Variants in PTK2 observed in about 807,000 individuals in gnomAD.
PTK2 encodes focal adhesion kinase 1.
Under a neutral mutation model 150.1 loss-of-function variants are expected in PTK2, and 45 were observed. The observed-to-expected ratio is 0.30, with a 90% confidence interval of 0.24 to 0.38. The LOEUF (loss-of-function observed/expected upper bound fraction) is 0.38, where lower values mean the gene tolerates loss of function less well. PTK2 is among the 10% of genes least tolerant of loss of function. The probability of loss-of-function intolerance (pLI) is 1.00; values close to 1 mark genes in which losing one functional copy is unlikely to be tolerated. For missense variants in PTK2, 919 were observed against 1,307.3 expected (o/e 0.70, Z 4.58); for synonymous variants, 432 against 449.2 (o/e 0.96, Z 0.48).
chr8:140,929,068 C>T (rs1603313014), intron 1 of PTK2, among the ~76,000 whole-genome samples: 1 of 145,712 alleles, frequency 6.9e-6, no homozygotes, highest in East Asian at 2.0e-4. Flanking sequence ...CGGGTTCACG[C>T]CATTCTCCTG....
At chr8:140,924,943 C>T (rs2100168904) in intron 2 of PTK2, among the ~76,000 whole-genome samples, 1 of 152,148 alleles carries the variant, frequency 6.6e-6, no homozygotes, top group Admixed American at 6.6e-5. Flanking sequence ...TAAGAGAGAA[C>T]TCTAAACCCC....
chr8:140,962,164 T>G (rs2100183421), intron 1 of PTK2, among the ~76,000 whole-genome samples: 1 of 144,570 alleles, frequency 6.9e-6, no homozygotes, highest in African/African-American at 2.6e-5. Flanking sequence ...GAGGTTGTAG[T>G]GAGCTGAGAT....
chr8:140,983,175 T>C (rs1588624862), intron 1 of PTK2, among the ~76,000 whole-genome samples: 1 of 151,910 alleles, frequency 6.6e-6, no homozygotes, highest in African/African-American at 2.4e-5. Context: ...TCTTCTGAGG[T>C]CAGGAGTTTG....
At chr8:140,791,058 C>G (rs1392813515) in intron 13 of PTK2, among the ~76,000 whole-genome samples, 2 of 152,154 alleles carry the variant, frequency 1.3e-5, no homozygotes, top group Non-Finnish European at 2.9e-5. Context: ...TGTGGAAATT[C>G]CACTCTTGTA....
intron 14 of PTK2, among the ~76,000 whole-genome samples, chr8:140,789,133 T>C (rs920002402): frequency 6.6e-6 from 1 of 152,210 alleles, no homozygotes; most frequent in Non-Finnish European, 1.5e-5. Context: ...TTAAAATAAA[T>C]ATGCAAAGTA....
intron 1 of PTK2, among the ~76,000 whole-genome samples, chr8:140,958,070 T>A (rs1488147102): frequency 6.6e-6 from 1 of 152,218 alleles, no homozygotes; most frequent in Non-Finnish European, 1.5e-5. Context: ...ACATATTTTT[T>A]ATGCAAACTG....
At chr8:140,772,623 T>C (rs934513088) in intron 14 of PTK2, among the ~76,000 whole-genome samples, 1 of 152,252 alleles carries the variant, frequency 6.6e-6, no homozygotes, top group African/African-American at 2.4e-5. Flanking sequence ...CATAAGATGA[T>C]ATCTTTGGTC....
chr8:140,960,187 C>CTTTTTT (rs371999950), intron 1 of PTK2, among the ~76,000 whole-genome samples: 1 of 72,348 alleles, frequency 1.4e-5, no homozygotes, highest in African/African-American at 6.2e-5. Context: ...CAATTTTAAA[C>CTTTTTT]TTTTTTTTTT....
intron 5 of PTK2, among the ~76,000 whole-genome samples, chr8:140,849,241 T>C (rs1275710567): frequency 6.6e-6 from 1 of 152,078 alleles, no homozygotes; most frequent in Non-Finnish European, 1.5e-5. Flanking sequence ...CAGACCCGTG[T>C]CCTCCCCTCA....
At chr8:140,721,936 C>G (rs1024797646) in intron 22 of PTK2, 10 of 152,238 alleles carry the variant, frequency 6.6e-5, no homozygotes, top group Non-Finnish European at 1.2e-4. Flanking sequence ...TTGTAAATAT[C>G]TGTTTGTTTG....
In PTK2 at chr8:140,793,403, GA is replaced by G. The variant is rs759647347; in HGVS notation, c.1094-20del. 13 of 1,609,240 alleles carry G rather than the reference GA, an allele frequency of 8.1e-6. No homozygotes were observed. In the Middle Eastern group the frequency reaches 4.9e-4, roughly 61 times the overall value. On this transcript the variant is annotated intron_variant, in intron 12 of 31. Transcript: ENST00000522684. ...TCACCTTCTGCGGGGAAAAAGAAAA[GA>G]GATGCATAAGGCTCTTTTCACTCCT...
In PTK2 at chr8:140,758,186, G is replaced by A. The variant is rs2100067020; in HGVS notation, c.1332+2979C>T. Among the ~76,000 whole-genome samples, 4 of 151,956 alleles carry A rather than the reference G, an allele frequency of 2.6e-5. No individual in the cohort carries two copies. In the South Asian group the frequency reaches 8.3e-4, roughly 32 times the overall value. On this transcript the variant is annotated intron_variant, in intron 16 of 31. Transcript: ENST00000522684. The stretch of plus-strand genomic sequence containing the variant: ...GACTTATTGCAGCCTTGACCTCCTG[G>A]GCTCAAATGATCTTTCCTCAGCCTC...
chr8:140,889,801 T>C (rs2100153619), intron 3 of PTK2, among the ~76,000 whole-genome samples: 1 of 152,190 alleles, frequency 6.6e-6, no homozygotes, highest in Non-Finnish European at 1.5e-5. Flanking sequence ...CTCAGCTTTC[T>C]GAAATCACAG....
chr8:140,962,971 G>A (rs2100183904), intron 1 of PTK2, among the ~76,000 whole-genome samples: 1 of 151,596 alleles, frequency 6.6e-6, no homozygotes, highest in Admixed American at 6.6e-5. Flanking sequence ...TCCCTTTGCA[G>A]TGCAAAAGCA....
At chr8:140,860,181 C>A (rs1436648601) in intron 5 of PTK2, among the ~76,000 whole-genome samples, 1 of 152,202 alleles carries the variant, frequency 6.6e-6, no homozygotes, top group Non-Finnish European at 1.5e-5. Flanking sequence ...ATTTGAAACT[C>A]AGTACAACTA....
chr8:140,800,409 T>G (rs1433641660), intron 12 of PTK2, 50 bp downstream of exon 12: 1 of 1,453,244 alleles, frequency 6.9e-7, no homozygotes, highest in South Asian at 1.1e-5. Flanking sequence ...CAAGCACAGC[T>G]AAATATTTGG....
chr8:140,671,234 T>A (rs940706435), intron 29 of PTK2, among the ~76,000 whole-genome samples: 4 of 152,180 alleles, frequency 2.6e-5, no homozygotes, highest in Non-Finnish European at 5.9e-5. Flanking sequence ...TAGTATTAGT[T>A]TTTTTTAGGC....
At chr8:140,747,076 G>T in intron 17 of PTK2, 1 of 432,260 alleles carries the variant, frequency 2.3e-6, no homozygotes, top group East Asian at 4.7e-5. Context: ...ATTTTTAGTA[G>T]AGATGGGATT....
intron 16 of PTK2, among the ~76,000 whole-genome samples, chr8:140,759,530 T>TAAAAAAAA (rs761643170): frequency 2.4e-4 from 14 of 58,040 alleles, no homozygotes; most frequent in Admixed American, 5.1e-4. Context: ...GACCCTGTCC[T>TAAAAAAAA]AAAAAAAAAA....
Sources: gnomAD v4.1 joint callset for allele counts (sites outside exome capture counted in the v4.1 genomes callset) on GRCh38, gnomAD v4.1.1 for gene constraint, MANE v1.5 for transcripts, NCBI Gene and HGNC (gene_info 2026-07-23, HGNC 2026-07-21) for gene names.